The following SYNE2 variants were observed in gnomAD, a reference collection of about 807,000 sequenced individuals.
The protein encoded by SYNE2 is spectrin repeat containing nuclear envelope protein 2, also known as nesprin-2.
In SYNE2, 431 loss-of-function variants were observed where a neutral mutation model predicts 856.3. The ratio of observed to expected loss-of-function variants is 0.50; its 90% CI spans 0.47 to 0.55. The LOEUF (loss-of-function observed/expected upper bound fraction) is 0.55. SYNE2 is among the 20% of genes least tolerant of loss of function. SYNE2 has a pLI of 0.00. For synonymous variants in SYNE2, 2,923 were observed against 2,872.3 expected, an observed-to-expected ratio of 1.02 and a Z score of -0.56; for missense variants, 8,129 against 8,023.2, an observed-to-expected ratio of 1.01 and a Z score of -0.50.
At chr14:64,074,187 G>T (rs1233845308) in intron 53 of SYNE2, 51 bp downstream of exon 53, 5 of 1,566,660 alleles carry the variant, frequency 3.2e-6, no homozygotes, top group Non-Finnish European at 4.4e-6. Flanking sequence ...CCACAGTCTT[G>T]TATCCAAAGT....
chr14:63,966,574 C>G (rs890184058), intron 10 of SYNE2, among the ~76,000 whole-genome samples: 14 of 151,470 alleles, frequency 9.2e-5, no homozygotes, highest in East Asian at 1.9e-4. Context: ...TTTTTCCCCC[C>G]CCGAGACAGG....
chr14:64,030,155 T>G (rs973763302), intron 44 of SYNE2, 96 bp downstream of exon 44: 2 of 1,157,532 alleles, frequency 1.7e-6, no homozygotes, highest in African/African-American at 3.0e-5. Context: ...GAAATTCCAG[T>G]GGTATTCAGA....
chr14:64,208,685 G>A (rs956727283), intron 100 of SYNE2, 73 bp from the exon 101 acceptor site: 28 of 1,515,502 alleles, frequency 1.8e-5, no homozygotes, highest in South Asian at 7.9e-5. Context: ...AGGGAGGAAC[G>A]GAGGTCCTTT....
In SYNE2 at chr14:63,771,289, C is replaced by G. The variant is rs977861448; in HGVS notation, c.-305+9303C>G. On this transcript the variant is annotated intron_variant, in intron 1 of 23. Coordinates refer to the SYNE2 transcript ENST00000674003. ...GTTTCACCGTGTTAGCCAGGATGGT[C>G]TCGATCTCTTGACCTCGTGATCCGC... is the stretch of plus-strand genomic sequence containing the variant. Among the ~76,000 whole-genome samples the G allele has an allele frequency of 5.3e-5, 8 of 151,866 alleles. No individual in the cohort carries two copies. In the East Asian group the frequency reaches 1.6e-3, roughly 30 times the overall value.
chr14:63,948,156 G>C (rs988513180), intron 6 of SYNE2, among the ~76,000 whole-genome samples: 38 of 124,404 alleles, frequency 3.1e-4, no homozygotes, highest in African/African-American at 9.2e-4. Flanking sequence ...TACACACACA[G>C]ACACACACAT....
At chr14:63,849,178 A>AGTG (rs1181241123), upstream of SYNE2, among the ~76,000 whole-genome samples, 5 of 152,114 alleles carry the variant, frequency 3.3e-5, no homozygotes, top group East Asian at 7.7e-4. Context: ...GTGCTCCCAA[A>AGTG]GTGGTAAAAA....
intron 62 of SYNE2, chr14:64,098,428 G>A (rs145842235): frequency 1.5e-4 from 90 of 586,434 alleles, no homozygotes; most frequent in Middle Eastern, 4.6e-4. Context: ...AAGTATCTTC[G>A]TACAGAAAAG....
At chr14:64,184,358 G>GTGTGTGTGTGTGTGTA (rs989630777) in intron 96 of SYNE2, among the ~76,000 whole-genome samples, 2 of 150,726 alleles carry the variant, frequency 1.3e-5, no homozygotes, top group African/African-American at 2.5e-5. Flanking sequence ...GTGTGTGTGT[G>GTGTGTGTGTGTGTGTA]TGTGTATGTG....
intron 31 of SYNE2, among the ~76,000 whole-genome samples, chr14:64,008,699 A>C (rs937895899): frequency 6.6e-6 from 1 of 152,030 alleles, no homozygotes; most frequent in Admixed American, 6.6e-5. Flanking sequence ...TTATCCCTAC[A>C]GGCTGAACTG....
intron 99 of SYNE2, among the ~76,000 whole-genome samples, chr14:64,200,345 TCC>T (rs2098556554): frequency 1.3e-5 from 2 of 152,112 alleles, no homozygotes; most frequent in South Asian, 4.2e-4. Flanking sequence ...CCTGAGCCCT[TCC>T]CCCACCCCCG....
intron 96 of SYNE2, among the ~76,000 whole-genome samples, chr14:64,183,176 A>G (rs1255977): frequency 0.63 from 90,836 of 145,202 alleles, 29,978 homozygotes; most frequent in African/African-American, 0.86. Context: ...ACTGCCGGGC[A>G]GAGACGCTCC....
intron 66 of SYNE2, among the ~76,000 whole-genome samples, chr14:64,117,437 C>T (rs2097860996): frequency 6.6e-6 from 1 of 152,060 alleles, no homozygotes. Context: ...ATAGCTGGGA[C>T]TACAGGCGTA....
rs112517900 is a variant in SYNE2, at chr14:63,931,561, A to G, written c.80-9053A>G. Among the ~76,000 whole-genome samples, 99 of 151,178 alleles carry G rather than the reference A, an allele frequency of 6.5e-4. No homozygotes were observed. In the Middle Eastern group the frequency reaches 0.01, roughly 16 times the overall value. ...CGAGACTCTGTCTCAAAAAAAAAAA[A>G]AAAGAAAGAAAGAAAGAAACAAAAA... On this transcript the variant is annotated intron_variant, in intron 2 of 115. Coordinates refer to ENST00000555002, the MANE Select transcript of SYNE2 (RefSeq NM_182914.3).
intron 64 of SYNE2, among the ~76,000 whole-genome samples, chr14:64,106,617 C>G (rs1405027290): frequency 3.9e-5 from 6 of 152,186 alleles, no homozygotes; most frequent in Non-Finnish European, 8.8e-5. Flanking sequence ...CCACTGCCCT[C>G]CAGCCTGGGC....
chr14:63,805,935 G>A (rs1342689613), intron 1 of SYNE2, among the ~76,000 whole-genome samples: 1 of 152,194 alleles, frequency 6.6e-6, no homozygotes, highest in East Asian at 1.9e-4. Flanking sequence ...AAGAGAGATA[G>A]TTTGACTTCC....
intron 8 of SYNE2, chr14:63,960,825 G>C (rs752386031): frequency 1.2e-5 from 9 of 756,574 alleles, no homozygotes; most frequent in Non-Finnish European, 1.7e-5. Flanking sequence ...TTGGAGGACT[G>C]TTTGAGGCCA....
chr14:63,777,109 G>A lies in SYNE2; in HGVS notation c.-305+15123G>A, dbSNP rs1406535576. Among the ~76,000 whole-genome samples, 6 of 152,182 alleles carry A rather than the reference G, an allele frequency of 3.9e-5. No homozygotes were observed. The South Asian group carries it at 6.2e-4, about 16-fold the overall frequency. On this transcript the variant is annotated intron_variant, in intron 1 of 23. Coordinates refer to the SYNE2 transcript ENST00000674003. ...CCCAACATATTAAACTACTGTCTGGGAGGAGGTAGGAAATTCTTTATCTAA... is the reference window on the plus strand; with the variant it reads ...CCCAACATATTAAACTACTGTCTGGAAGGAGGTAGGAAATTCTTTATCTAA...
rs1408475568 is a variant in SYNE2 at position 64,202,791 on chromosome 14, A to G, written c.18039-10A>G. 3 of 1,613,896 alleles carry G rather than the reference A, an allele frequency of 1.9e-6. No homozygotes were observed. Among genetic ancestry groups the G allele is most frequent in the Non-Finnish European group, 2.5e-6 (3 of 1,180,014 alleles). ...TTTGTTTCGTTTTGTTTTTCTGCAA[A>G]TATGTGTAGGGTGAAGAAGCTGAAG... On this transcript the variant is annotated splice_polypyrimidine_tract_variant and intron_variant, in intron 99 of 115. Coordinates refer to ENST00000555002, the MANE Select transcript of SYNE2 (RefSeq NM_182914.3).
intron 1 of SYNE2, among the ~76,000 whole-genome samples, chr14:63,788,248 C>A (rs1887611036): frequency 6.6e-6 from 1 of 152,154 alleles, no homozygotes; most frequent in Non-Finnish European, 1.5e-5. Flanking sequence ...AGGAAGCCTT[C>A]CAGGGTCCCC....
Sources: gnomAD v4.1 joint callset for allele counts (sites outside exome capture counted in the v4.1 genomes callset) on GRCh38, gnomAD v4.1.1 for gene constraint, MANE v1.5 for transcripts, NCBI Gene and HGNC (gene_info 2026-07-23, HGNC 2026-07-21) for gene names.